Variants in OPRM1 observed in about 807,000 individuals in gnomAD.
OPRM1 encodes opioid receptor mu 1.
Under a neutral mutation model 31.8 loss-of-function variants are expected in OPRM1, and 27 were observed. The ratio of observed to expected loss-of-function variants is 0.85; its 90% CI spans 0.63 to 1.17. The LOEUF is 1.17. OPRM1 is among the 50% of genes most tolerant of loss of function. OPRM1 has a pLI of 0.00. For missense variants in OPRM1, 536 were observed against 511.1 expected, an observed-to-expected ratio of 1.05 and a Z score of -0.47; for synonymous variants, 196 against 189.9, an observed-to-expected ratio of 1.03 and a Z score of -0.26.
intron 3 of OPRM1, among the ~76,000 whole-genome samples, chr6:154,196,938 CT>C (rs1270806255): frequency 6.6e-6 from 1 of 152,148 alleles, no homozygotes; most frequent in African/African-American, 2.4e-5. Flanking sequence ...TAATTGCATA[CT>C]AACTGCAAAA....
At chr6:154,104,091 A>T (rs1207269956) in intron 3 of OPRM1, among the ~76,000 whole-genome samples, 3 of 152,170 alleles carry the variant, frequency 2.0e-5, no homozygotes, top group Non-Finnish European at 4.4e-5. Context: ...AGAGATGAAG[A>T]TCCATCTTCC....
intron 1 of OPRM1, among the ~76,000 whole-genome samples, chr6:154,025,278 C>T: frequency 6.6e-6 from 1 of 152,002 alleles, no homozygotes; most frequent in Non-Finnish European, 1.5e-5. Context: ...TAGTAACCTT[C>T]TTTGTCTCTC....
At chr6:154,190,422 A>G (rs1045551267) in intron 3 of OPRM1, among the ~76,000 whole-genome samples, 2 of 152,224 alleles carry the variant, frequency 1.3e-5, no homozygotes, top group Non-Finnish European at 2.9e-5. Flanking sequence ...GCTCAACATC[A>G]TGAGTCATTA....
chr6:154,094,400 A>T, intron 3 of OPRM1: 1 of 410,508 alleles, frequency 2.4e-6, no homozygotes, highest in Non-Finnish European at 4.8e-6. Flanking sequence ...CTGCTCAGTC[A>T]GCTTTTGTTA....
At position 154,168,207 on chromosome 6, in the gene OPRM1, C is replaced by A; in HGVS notation, c.1164+76735C>A. 1 of 855,352 alleles carries A rather than the reference C, an allele frequency of 1.2e-6. No homozygotes were observed. The highest frequency in any genetic ancestry group is 1.8e-6 in the Non-Finnish European group (1 of 568,482). 53.0% of individuals were successfully genotyped at this position (855,352 alleles called of 1,614,324 possible). A position where few individuals can be genotyped will look rare whatever the true frequency, so the allele number is the denominator to read the frequency against. On this transcript the variant is annotated intron_variant, in intron 3 of 3. Transcript: ENST00000337049. The surrounding 1 kb of genome is among the most constrained non-coding windows in gnomAD (Gnocchi z 4.1). ...ACTGTGGTCCCAAGGCACGGCCCCACTGGCACCCTCATCTCAGACTTCTCT... is the reference window on the plus strand; with the variant it reads ...ACTGTGGTCCCAAGGCACGGCCCCAATGGCACCCTCATCTCAGACTTCTCT...
At chr6:154,187,354 C>G (rs1801474572) in intron 3 of OPRM1, among the ~76,000 whole-genome samples, 1 of 152,138 alleles carries the variant, frequency 6.6e-6, no homozygotes. Flanking sequence ...CCTACTGTTT[C>G]CCTACCAGTC....
rs759258418 is a variant in OPRM1, at chr6:154,199,969, A to G, written c.1165-46724A>G. ...GAAAACTGCTGGGTGTCTTCACTGT[A>G]TTTTCCAGGGAAGAGAAAGAATACG... On this transcript the variant is annotated intron_variant, in intron 3 of 3. Transcript: ENST00000337049. 5.6e-6 allele frequency: 9 copies of G among 1,614,152 alleles called. No homozygotes were observed. The South Asian group carries it at 9.9e-5, about 18-fold the overall frequency.
intron 1 of OPRM1, among the ~76,000 whole-genome samples, chr6:154,083,981 G>C (rs1008491987): frequency 7.0e-6 from 1 of 143,824 alleles, no homozygotes; most frequent in Non-Finnish European, 1.5e-5. Context: ...GAAGAAGACT[G>C]ATATTCATCC....
chr6:154,012,355 G>A (rs1445895464), intron 1 of OPRM1, among the ~76,000 whole-genome samples: 4 of 152,068 alleles, frequency 2.6e-5, no homozygotes, highest in Non-Finnish European at 2.9e-5. Context: ...CTTTTGTTCT[G>A]GATCATGAAT....
chr6:154,237,936 G>T (rs1780268286), intron 3 of OPRM1, among the ~76,000 whole-genome samples: 3 of 152,070 alleles, frequency 2.0e-5, no homozygotes, highest in Admixed American at 2.0e-4. Context: ...TTAAGTTAGT[G>T]TGTGTGCACT....
rs531618508 is a variant in OPRM1 at position 154,209,356 on chromosome 6, G to A, written c.1165-37337G>A. Among the ~76,000 whole-genome samples, 9 of 152,214 alleles carry A rather than the reference G, an allele frequency of 5.9e-5. No individual in the cohort carries two copies. The South Asian group carries it at 1.7e-3, about 28-fold the overall frequency. ...CAAACACTAGCTCAATTCACTCTCT[G>A]CATAAAAGCTATGACTGAGTGCAGT... is the stretch of plus-strand genomic sequence containing the variant. On this transcript the variant is annotated intron_variant, in intron 3 of 3. Transcript: ENST00000337049.
intron 1 of OPRM1, among the ~76,000 whole-genome samples, chr6:154,017,300 G>A (rs1778060012): frequency 6.6e-6 from 1 of 152,124 alleles, no homozygotes; most frequent in Non-Finnish European, 1.5e-5. Context: ...AAATGCATGG[G>A]CGAGTATTGA....
chr6:154,038,783 T>A (rs937343033), upstream of OPRM1, among the ~76,000 whole-genome samples: 6 of 152,248 alleles, frequency 3.9e-5, no homozygotes, highest in Admixed American at 3.9e-4. Context: ...ACAGGTTTTC[T>A]GCACAAAAGT....
At chr6:154,171,284 T>A (rs1423300096) in intron 3 of OPRM1, among the ~76,000 whole-genome samples, 1 of 152,126 alleles carries the variant, frequency 6.6e-6, no homozygotes, top group Non-Finnish European at 1.5e-5. Context: ...TATTCAATAA[T>A]TAAAATAAAT....
At chr6:154,110,126 T>G (rs1318018660) in intron 3 of OPRM1, among the ~76,000 whole-genome samples, 3 of 152,160 alleles carry the variant, frequency 2.0e-5, no homozygotes, top group Admixed American at 2.0e-4. Context: ...CTCTAAATAC[T>G]TCAGTATACA....
rs1427130160 is a variant in OPRM1 at position 154,031,432 on chromosome 6, G to A, written c.1-7729G>A. On this transcript the variant is annotated intron_variant, in intron 1 of 5. Transcript: ENST00000434900. Reference sequence around the variant, plus strand: ...ATGTCAACAGAACCAGTGCCTTACAGTGAGTCAAGCAATGTTTATTGGCTG... The same window carrying A: ...ATGTCAACAGAACCAGTGCCTTACAATGAGTCAAGCAATGTTTATTGGCTG... Among the ~76,000 whole-genome samples, 13 of 152,234 alleles carry A rather than the reference G, an allele frequency of 8.5e-5. No individual in the cohort carries two copies. In the East Asian group the frequency reaches 2.3e-3, roughly 27 times the overall value.
At position 154,222,335 on chromosome 6, in the gene OPRM1, G is replaced by A. The variant is rs181268192; in HGVS notation, c.1165-24358G>A. 2.0e-5 allele frequency among the ~76,000 whole-genome samples: 3 copies of A among 152,234 alleles called. No individual in the cohort carries two copies. In the East Asian group the frequency reaches 5.8e-4, roughly 29 times the overall value. Reference sequence around the variant, plus strand: ...TGGACATGTGCAACCACACCACAGAGGCAAAGACTTAAAGCTAACACCAGT... The same window carrying A: ...TGGACATGTGCAACCACACCACAGAAGCAAAGACTTAAAGCTAACACCAGT... On this transcript the variant is annotated intron_variant, in intron 3 of 3. Coordinates refer to the OPRM1 transcript ENST00000337049.
chr6:154,023,792 A>G (rs1778524868), intron 1 of OPRM1, among the ~76,000 whole-genome samples: 1 of 152,132 alleles, frequency 6.6e-6, no homozygotes, highest in South Asian at 2.1e-4. Flanking sequence ...TTTTTTCAGT[A>G]TCAATTGATA....
At chr6:154,056,511 C>T (rs1067693) in intron 1 of OPRM1, among the ~76,000 whole-genome samples, 7,176 of 151,686 alleles carry the variant, frequency 0.047, 323 homozygotes, top group Admixed American at 0.15. Flanking sequence ...CCAGGACTTG[C>T]AATGCGATGT....
Sources: allele counts gnomAD v4.1 joint callset (sites outside exome capture counted in the v4.1 genomes callset), GRCh38; gene constraint gnomAD v4.1.1; non-coding constraint Gnocchi (gnomAD v3.1); transcripts MANE v1.5; gene names NCBI Gene and HGNC (gene_info 2026-07-23, HGNC 2026-07-21).